The following CWF19L2 variants were observed in gnomAD, a reference collection of about 807,000 sequenced individuals.
CWF19L2 encodes the protein CWF19 like cell cycle control factor 2, also known as CWF19-like protein 2.
CWF19L2 carries 98 observed loss-of-function variants against 111.7 expected under a neutral mutation model. The observed-to-expected ratio is 0.88, with a 90% CI of 0.75 to 1.04. The LOEUF is 1.04. Ranked by LOEUF, CWF19L2 falls within the 50% of genes least tolerant of loss-of-function variation. The pLI is 0.00. For missense variants in CWF19L2, 1,101 were observed against 1,051.4 expected, an observed-to-expected ratio of 1.05 and a Z score of -0.65; for synonymous variants, 351 against 342.9, an observed-to-expected ratio of 1.02 and a Z score of -0.26.
intron 4 of CWF19L2, among the ~76,000 whole-genome samples, chr11:107,442,460 T>C (rs750413148): frequency 1.1e-4 from 17 of 151,844 alleles, no homozygotes; most frequent in Middle Eastern, 3.4e-3. Context: ...GGTGGAAGGA[T>C]TGCTCAAGCT....
At chr11:107,452,411 G>A (rs1029502439) in intron 3 of CWF19L2, among the ~76,000 whole-genome samples, 7 of 151,694 alleles carry the variant, frequency 4.6e-5, no homozygotes, top group South Asian at 2.1e-4. Context: ...AATAACAAAC[G>A]ACATGTAAGA....
At chr11:107,423,283 ATTCT>A (rs1444247388) in intron 8 of CWF19L2, among the ~76,000 whole-genome samples, 1 of 151,964 alleles carries the variant, frequency 6.6e-6, no homozygotes, top group African/African-American at 2.4e-5. Context: ...CTCAATTTGC[ATTCT>A]TTCACATTCA....
intron 8 of CWF19L2, among the ~76,000 whole-genome samples, chr11:107,427,104 C>T (rs1447786540): frequency 1.4e-4 from 21 of 151,958 alleles, no homozygotes. Flanking sequence ...AAAACTAATT[C>T]AACTAATTTT....
At chr11:107,414,910 C>A (rs4754220) in intron 10 of CWF19L2, among the ~76,000 whole-genome samples, 5,680 of 152,248 alleles carry the variant, frequency 0.037, 282 homozygotes, top group East Asian at 0.22. Flanking sequence ...CATTTCTTAT[C>A]TGCATTATTA....
In CWF19L2 at chr11:107,443,059, T is replaced by G. The variant is rs760110421; in HGVS notation, c.340-10A>C. On this transcript the variant is annotated splice_polypyrimidine_tract_variant and intron_variant, in intron 3 of 17. Transcript: ENST00000282251. Reference sequence around the variant, plus strand: ...ACTCATCTTCAGAGCTCTAAGAACATTTAGCATATAAGTGAAATTGTCAAA... The same window carrying G: ...ACTCATCTTCAGAGCTCTAAGAACAGTTAGCATATAAGTGAAATTGTCAAA... 3 of 1,501,042 alleles carry G rather than the reference T, an allele frequency of 2.0e-6. No individual in the cohort carries two copies. Among genetic ancestry groups the G allele is most frequent in the Non-Finnish European group, 2.7e-6 (3 of 1,100,552 alleles). 93.0% of individuals were successfully genotyped at this position (1,501,042 alleles called of 1,614,324 possible). A position where few individuals can be genotyped will look rare whatever the true frequency, so the allele number is the denominator to read the frequency against.
intron 7 of CWF19L2, 31 bp from the exon 8 acceptor site, chr11:107,429,482 T>C: frequency 2.0e-6 from 3 of 1,482,166 alleles, no homozygotes; most frequent in Middle Eastern, 2.1e-4. Context: ...ACAAGATATC[T>C]AAAATTAGGA....
At chr11:107,357,600 A>T (rs1860257347) in intron 12 of CWF19L2, among the ~76,000 whole-genome samples, 1 of 152,230 alleles carries the variant, frequency 6.6e-6, no homozygotes, top group African/African-American at 2.4e-5. Flanking sequence ...ATTGAAAATG[A>T]TACAGTCTTG....
At chr11:107,343,675 A>C (rs1296526309) in intron 14 of CWF19L2, among the ~76,000 whole-genome samples, 1 of 151,678 alleles carries the variant, frequency 6.6e-6, no homozygotes, top group Non-Finnish European at 1.5e-5. Flanking sequence ...TGGTTATTTG[A>C]ACATTTTCAG....
chr11:107,345,196 C>G (rs926509577), intron 14 of CWF19L2, among the ~76,000 whole-genome samples: 5 of 152,010 alleles, frequency 3.3e-5, no homozygotes, highest in Admixed American at 2.0e-4. Flanking sequence ...TTACTTGTTA[C>G]TATGCTTATA....
intron 12 of CWF19L2, among the ~76,000 whole-genome samples, chr11:107,358,509 T>C (rs1019744500): frequency 6.6e-6 from 1 of 152,192 alleles, no homozygotes; most frequent in African/African-American, 2.4e-5. Context: ...TGTAGTATTA[T>C]TTAGCCATAA....
chr11:107,338,410 A>C (rs34443916), intron 14 of CWF19L2, among the ~76,000 whole-genome samples: 1 of 151,178 alleles, frequency 6.6e-6, no homozygotes, highest in African/African-American at 2.4e-5. Context: ...TTTTTTCTTC[A>C]ACTGTTACTT....
At chr11:107,347,919 T>A (rs1409916409) in intron 14 of CWF19L2, among the ~76,000 whole-genome samples, 1 of 152,172 alleles carries the variant, frequency 6.6e-6, no homozygotes. Context: ...TATGTATAAA[T>A]TTTTAAAAGG....
chr11:107,343,851 C>T (rs556445373), intron 14 of CWF19L2, among the ~76,000 whole-genome samples: 8 of 152,238 alleles, frequency 5.3e-5, no homozygotes, highest in Middle Eastern at 3.4e-3. Context: ...CCCTTACTTC[C>T]CTTTATGTCC....
chr11:107,343,163 C>T (rs1860029851), intron 14 of CWF19L2, among the ~76,000 whole-genome samples: 1 of 152,162 alleles, frequency 6.6e-6, no homozygotes, highest in Admixed American at 6.5e-5. Flanking sequence ...TCTTTTATAT[C>T]CTTGATGACT....
chr11:107,336,275 T>G (rs866243657), intron 15 of CWF19L2, among the ~76,000 whole-genome samples: 2 of 151,978 alleles, frequency 1.3e-5, no homozygotes, highest in Non-Finnish European at 2.9e-5. Context: ...GCCTCCTGAG[T>G]AGCTGGGACT....
chr11:107,347,058 C>T (rs1368682031), intron 14 of CWF19L2, among the ~76,000 whole-genome samples: 1 of 152,044 alleles, frequency 6.6e-6, no homozygotes, highest in African/African-American at 2.4e-5. Flanking sequence ...CAGTGTTTGC[C>T]TACAGCATAT....
At chr11:107,352,332 T>C (rs1056584214) in intron 13 of CWF19L2, among the ~76,000 whole-genome samples, 29 of 152,278 alleles carry the variant, frequency 1.9e-4, no homozygotes, top group African/African-American at 7.0e-4. Context: ...CTGGTTATGT[T>C]TGCCTGCTCC....
At chr11:107,339,157 T>C (rs473551) in intron 14 of CWF19L2, among the ~76,000 whole-genome samples, 2,348 of 152,290 alleles carry the variant, frequency 0.015, 53 homozygotes, top group African/African-American at 0.054. Context: ...GGTTGTTTCA[T>C]GCATCAACAA....
intron 3 of CWF19L2, among the ~76,000 whole-genome samples, chr11:107,448,398 C>G (rs1861731753): frequency 7.6e-6 from 1 of 131,596 alleles, no homozygotes. Context: ...CACGACATAG[C>G]AATAAAATAT....
Sources: allele counts gnomAD v4.1 joint callset (sites outside exome capture counted in the v4.1 genomes callset), GRCh38; gene constraint gnomAD v4.1.1; transcripts MANE v1.5; gene names NCBI Gene and HGNC (gene_info 2026-07-23, HGNC 2026-07-21).